TAOK3: variants seen among roughly 807,000 people sequenced by gnomAD.
TAOK3 encodes serine/threonine-protein kinase TAO3.
TAOK3 carries 40 observed loss-of-function variants against 120.4 expected under a neutral mutation model. That is an observed-to-expected ratio of 0.33 (90% confidence interval 0.26 to 0.43). The LOEUF is 0.43. Among genes scored for constraint, TAOK3 ranks in the 20% least tolerant of loss-of-function variants. TAOK3 has a pLI of 1.00. For missense variants in TAOK3, 821 were observed against 1,112.1 expected, an observed-to-expected ratio of 0.74 and a Z score of 3.72; for synonymous variants, 355 against 387.5, an observed-to-expected ratio of 0.92 and a Z score of 0.99.
In TAOK3 at chr12:118,149,908, A is replaced by G. The variant is rs576743467; in HGVS notation, c.*1089T>C. ...GTTTTGTTTTTAAAGTGCATGCAAA[A>G]GAAGTAAAGCCTTTTTTTTTTTCAT... is the stretch of plus-strand genomic sequence containing the variant. On this transcript the variant is annotated 3_prime_UTR_variant, in exon 21 of 21. Transcript: ENST00000392533. 6.6e-6 allele frequency: 1 copy of G among 152,332 alleles called. No individual in the cohort carries two copies. Among genetic ancestry groups the G allele is most frequent in the South Asian group, 2.1e-4 (1 of 4,828 alleles). The allele number at this position is 152,332 out of a possible 1,614,324, so 9.4% of individuals were successfully genotyped here.
intron 2 of TAOK3, among the ~76,000 whole-genome samples, chr12:118,258,668 T>C (rs2041096259): frequency 6.6e-6 from 1 of 150,922 alleles, no homozygotes; most frequent in Admixed American, 6.6e-5. Context: ...GCCGAGATCG[T>C]GCCACTGCAT....
At chr12:118,303,387 A>G (rs1012062914) in intron 1 of TAOK3, among the ~76,000 whole-genome samples, 3 of 152,162 alleles carry the variant, frequency 2.0e-5, no homozygotes, top group African/African-American at 7.2e-5. Context: ...TGCATCTTCA[A>G]TGCCTGAAAC....
At chr12:118,182,623 A>ATATATATAT (rs371125415) in intron 14 of TAOK3, among the ~76,000 whole-genome samples, 1 of 92,416 alleles carries the variant, frequency 1.1e-5, no homozygotes, top group Non-Finnish European at 2.0e-5. Flanking sequence ...ATATATATAT[A>ATATATATAT]TTTTTTTTTT....
Position 118,151,285 on chromosome 12 carries a change from GCGCGCACACACACACA to G in TAOK3, c.2536-143_2536-128del, listed in dbSNP as rs1163612522. 7.2e-5 allele frequency: 44 copies of G among 612,464 alleles called. 1 individual carries two copies. The highest frequency in any genetic ancestry group is 9.6e-5 in the Non-Finnish European group (38 of 397,496). 37.9% of individuals were successfully genotyped at this position (612,464 alleles called of 1,614,324 possible). Reference sequence around the variant, plus strand: ...ATAGGCACACACATGAAGTGCGCGCGCGCGCACACACACACACACACACACACACACACAGGAACTA... The same window carrying G: ...ATAGGCACACACATGAAGTGCGCGCGCACACACACACACACACAGGAACTA... On this transcript the variant is annotated intron_variant, in intron 20 of 20. Coordinates refer to ENST00000392533, the MANE Select transcript of TAOK3 (RefSeq NM_016281.4).
chr12:118,355,648 C>G (rs1162644527), intron 1 of TAOK3, among the ~76,000 whole-genome samples: 2 of 152,164 alleles, frequency 1.3e-5, no homozygotes, highest in Admixed American at 6.6e-5. Context: ...ATTTTATTAT[C>G]TATACATAAT....
At chr12:118,270,382 T>A (rs2041645947) in intron 1 of TAOK3, among the ~76,000 whole-genome samples, 1 of 152,184 alleles carries the variant, frequency 6.6e-6, no homozygotes, top group Admixed American at 6.6e-5. Flanking sequence ...ATGGTTCAGA[T>A]AATATCACAG....
chr12:118,207,182 C>T (rs1335733395), intron 11 of TAOK3, among the ~76,000 whole-genome samples: 3 of 151,728 alleles, frequency 2.0e-5, no homozygotes, highest in South Asian at 2.1e-4. Flanking sequence ...GAAAATTAGC[C>T]GGGCGTGGTG....
chr12:118,177,403 G>T (rs1408864800), intron 15 of TAOK3, 74 bp from the exon 16 acceptor site: 2 of 1,320,472 alleles, frequency 1.5e-6, no homozygotes, highest in Non-Finnish European at 2.1e-6. Flanking sequence ...ATTCTCCAGT[G>T]CAGTAAGACA....
intron 1 of TAOK3, among the ~76,000 whole-genome samples, chr12:118,301,859 A>C (rs2042894246): frequency 1.3e-5 from 2 of 151,894 alleles, no homozygotes; most frequent in African/African-American, 4.8e-5. Flanking sequence ...AAAAAAAAAA[A>C]AAAATTCAAA....
At chr12:118,218,730 G>A (rs990606270) in intron 9 of TAOK3, among the ~76,000 whole-genome samples, 2 of 151,970 alleles carry the variant, frequency 1.3e-5, no homozygotes, top group African/African-American at 4.8e-5. Context: ...CAGATTTGGA[G>A]GACCAACCGT....
At chr12:118,296,315 G>A (rs373796483) in intron 1 of TAOK3, among the ~76,000 whole-genome samples, 5 of 152,184 alleles carry the variant, frequency 3.3e-5, no homozygotes, top group South Asian at 2.1e-4. Flanking sequence ...TGTATTTTTC[G>A]TAGAGACAGG....
In TAOK3 at chr12:118,360,567, CA is replaced by C. The variant is rs34592832; in HGVS notation, c.-194+12080del. On this transcript the variant is annotated intron_variant, in intron 1 of 20. Coordinates refer to ENST00000392533, the MANE Select transcript of TAOK3 (RefSeq NM_016281.4). ...CGGGCGACACAGCGAGACTCCGTCT[CA>C]AAAAAAAAAAAAAAAAAAAAGTATG... 9.3e-3 allele frequency among the ~76,000 whole-genome samples: 806 copies of C among 86,328 alleles called. 1 individual carries two copies. Among genetic ancestry groups the C allele is most frequent in the African/African-American group, 0.034 (716 of 21,140 alleles). 56.6% of individuals were successfully genotyped at this position (86,328 alleles called of 152,430 possible).
intron 11 of TAOK3, among the ~76,000 whole-genome samples, chr12:118,207,981 T>TA (rs201991376): frequency 4.0e-5 from 6 of 150,100 alleles, no homozygotes; most frequent in Non-Finnish European, 3.0e-5. Context: ...CCTCTAAAGT[T>TA]AAAAAAAAAA....
intron 17 of TAOK3, among the ~76,000 whole-genome samples, chr12:118,165,628 T>A (rs1383078904): frequency 6.6e-6 from 1 of 152,206 alleles, no homozygotes; most frequent in Non-Finnish European, 1.5e-5. Context: ...CAGTTTCAGC[T>A]CCTCTATAAG....
intron 1 of TAOK3, among the ~76,000 whole-genome samples, chr12:118,291,989 A>G (rs931367967): frequency 4.6e-5 from 7 of 151,922 alleles, no homozygotes; most frequent in Non-Finnish European, 8.8e-5. Flanking sequence ...GATTTTTTGT[A>G]TTTTTAGTGA....
At chr12:118,258,419 G>C (rs1379430939) in intron 2 of TAOK3, among the ~76,000 whole-genome samples, 1 of 152,094 alleles carries the variant, frequency 6.6e-6, no homozygotes, top group Non-Finnish European at 1.5e-5. Context: ...CACAAAATGA[G>C]AGTTCAAAAA....
intron 9 of TAOK3, among the ~76,000 whole-genome samples, chr12:118,230,460 GTTTTTTTTTTTTTTTTT>G (rs71069433): frequency 1.0e-4 from 5 of 49,984 alleles, no homozygotes; most frequent in Non-Finnish European, 1.8e-4. Context: ...CCTGTGAAGT[GTTTTTTTTTTTTTTTTT>G]TTTTTTTTTT....
rs558714562 is a variant in TAOK3, at chr12:118,187,532, T to C, written c.1329+2275A>G. ...TTGGTAATATACATTAAAAAATCCA[T>C]ACCCATAGTTAGATTGTTCAAAATG... On this transcript the variant is annotated intron_variant, in intron 14 of 20. Transcript: ENST00000392533. Among the ~76,000 whole-genome samples the C allele has an allele frequency of 2.6e-5, 4 of 152,258 alleles. No individual in the cohort carries two copies. In the East Asian group the frequency reaches 5.8e-4, roughly 22 times the overall value.
chr12:118,360,306 G>C (rs527321538), intron 1 of TAOK3, among the ~76,000 whole-genome samples: 12 of 144,588 alleles, frequency 8.3e-5, no homozygotes, highest in African/African-American at 3.1e-4. Flanking sequence ...GGTGGCTCAC[G>C]CCTGTAATTC....
Sources: gnomAD v4.1 joint callset for allele counts (sites outside exome capture counted in the v4.1 genomes callset) on GRCh38, gnomAD v4.1.1 for gene constraint, MANE v1.5 for transcripts, NCBI Gene and HGNC (gene_info 2026-07-23, HGNC 2026-07-21) for gene names.